WHRN: variants seen among roughly 807,000 people sequenced by gnomAD.
WHRN encodes CASK-interacting protein CIP98.
In WHRN, 41 loss-of-function variants were observed where a neutral mutation model predicts 68.3. That is an observed-to-expected ratio of 0.60 (90% CI 0.47 to 0.78). WHRN has a LOEUF of 0.78. Ranked by LOEUF, WHRN falls within the 30% of genes least tolerant of loss-of-function variation. The probability of loss-of-function intolerance (pLI) is 0.00; values close to 1 mark genes in which losing one functional copy is unlikely to be tolerated. For synonymous variants in WHRN, 560 were observed against 561.3 expected (o/e 1.00, Z 0.03); for missense variants, 1,243 against 1,244.7 (o/e 1.00, Z 0.02).
intron 1 of WHRN, 121 bp from the exon 2 acceptor site, chr9:114,478,892 C>G (rs557154024): frequency 1.1e-6 from 1 of 907,274 alleles, no homozygotes; most frequent in East Asian, 2.6e-5. Flanking sequence ...GAGGCCAGCC[C>G]TGAAGTCCCT....
intron 1 of WHRN, among the ~76,000 whole-genome samples, chr9:114,482,463 G>A (rs552615702): frequency 2.4e-4 from 37 of 152,270 alleles, no homozygotes; most frequent in African/African-American, 8.4e-4. Flanking sequence ...TCCTTGGGCC[G>A]GTTGCTTCCC....
intron 1 of WHRN, among the ~76,000 whole-genome samples, chr9:114,498,791 T>C (rs1026027292): frequency 6.6e-6 from 1 of 152,082 alleles, no homozygotes; most frequent in Non-Finnish European, 1.5e-5. Flanking sequence ...TGGTTCCTAA[T>C]CCCAATGGGG....
chr9:114,478,833 CT>C, intron 1 of WHRN, 62 bp from the exon 2 acceptor site: 1 of 1,513,494 alleles, frequency 6.6e-7, no homozygotes, highest in Non-Finnish European at 8.9e-7. Flanking sequence ...GAGGAACACC[CT>C]CCCCTGGCCC....
intron 4 of WHRN, chr9:114,425,382 C>G: frequency 1.7e-6 from 1 of 575,288 alleles, no homozygotes; most frequent in South Asian, 2.3e-5. Context: ...GCTTAGGGGC[C>G]GGTGAACTGG....
intron 3 of WHRN, among the ~76,000 whole-genome samples, chr9:114,445,517 A>T (rs1272702920): frequency 6.6e-6 from 1 of 152,182 alleles, no homozygotes; most frequent in Non-Finnish European, 1.5e-5. Context: ...TACAAAGACC[A>T]GACTGTCAAG....
chr9:114,421,286 G>GC (rs1564131030), intron 7 of WHRN, among the ~76,000 whole-genome samples: 2 of 152,184 alleles, frequency 1.3e-5, no homozygotes, highest in African/African-American at 4.8e-5. Flanking sequence ...GTAGGGGAGA[G>GC]CCCCCTGAGC....
At chr9:114,410,915 G>A (rs1323448106) in intron 7 of WHRN, among the ~76,000 whole-genome samples, 1 of 152,228 alleles carries the variant, frequency 6.6e-6, no homozygotes, top group Non-Finnish European at 1.5e-5. Flanking sequence ...TGCCAACTCT[G>A]AGGCTTCTTT....
intron 2 of WHRN, among the ~76,000 whole-genome samples, chr9:114,470,664 G>A (rs1285119476): frequency 6.6e-6 from 1 of 152,176 alleles, no homozygotes; most frequent in Non-Finnish European, 1.5e-5. Context: ...GGACACAGTA[G>A]GCAGCTCCTG....
chr9:114,496,687 A>C (rs1403703318), intron 1 of WHRN, among the ~76,000 whole-genome samples: 2 of 152,236 alleles, frequency 1.3e-5, no homozygotes, highest in Non-Finnish European at 2.9e-5. Flanking sequence ...AGCAACAATG[A>C]CATGTTTGTG....
chr9:114,503,024 C>G (rs1414297075), intron 1 of WHRN: 8 of 649,532 alleles, frequency 1.2e-5, no homozygotes, highest in Non-Finnish European at 1.5e-5. Flanking sequence ...TCAAGGGCTT[C>G]CTCCAAAGGG....
chr9:114,449,118 C>T (rs1449748803), intron 3 of WHRN, among the ~76,000 whole-genome samples: 1 of 152,136 alleles, frequency 6.6e-6, no homozygotes, highest in East Asian at 1.9e-4. Flanking sequence ...TAATCATTTC[C>T]CTTATGAAAG....
At chr9:114,459,411 T>C (rs1564179509) in intron 3 of WHRN, among the ~76,000 whole-genome samples, 1 of 152,092 alleles carries the variant, frequency 6.6e-6, no homozygotes, top group Non-Finnish European at 1.5e-5. Context: ...TGCAGTGAGC[T>C]GAGATCATGC....
intron 7 of WHRN, among the ~76,000 whole-genome samples, chr9:114,413,168 G>A (rs2132260900): frequency 6.6e-6 from 1 of 152,346 alleles, no homozygotes; most frequent in East Asian, 1.9e-4. Context: ...GATTTTGCCT[G>A]AAGGGGCTGC....
chr9:114,433,467 G>A (rs546658415), intron 3 of WHRN, among the ~76,000 whole-genome samples: 1 of 152,328 alleles, frequency 6.6e-6, no homozygotes, highest in African/African-American at 2.4e-5. Context: ...GGATCTTGCG[G>A]CTTCAAGGGA....
chr9:114,428,688 TC>T, intron 3 of WHRN, among the ~76,000 whole-genome samples: 1 of 152,240 alleles, frequency 6.6e-6, no homozygotes, highest in South Asian at 2.1e-4. Flanking sequence ...ATCCAGCGTG[TC>T]CAAAGCTACT....
chr9:114,405,163 C>T (rs1464334134), intron 9 of WHRN, among the ~76,000 whole-genome samples: 1 of 149,442 alleles, frequency 6.7e-6, no homozygotes, highest in Admixed American at 6.7e-5. Flanking sequence ...CAACCTCTGC[C>T]TCCTGGGTTC....
intron 2 of WHRN, among the ~76,000 whole-genome samples, chr9:114,469,726 G>A (rs183306848): frequency 2.0e-5 from 3 of 152,346 alleles, no homozygotes; most frequent in African/African-American, 4.8e-5. Flanking sequence ...CACTGCCGCC[G>A]CTGTAACAAA....
chr9:114,472,712 G>A (rs964390183), intron 2 of WHRN, among the ~76,000 whole-genome samples: 4 of 152,160 alleles, frequency 2.6e-5, no homozygotes, highest in Non-Finnish European at 4.4e-5. Flanking sequence ...CACACAGCAG[G>A]CCCATTATAG....
rs770481636 is a variant in WHRN at position 114,424,458 on chromosome 9, C to T, written c.1292G>A (p.Arg431Gln). 12 of 1,613,778 alleles carry T rather than the reference C, an allele frequency of 7.4e-6. No homozygotes were observed. The highest frequency in any genetic ancestry group is 4.0e-5 in the African/African-American group (3 of 74,934). Residue 431 changes from arginine to glutamine, a missense_variant, in exon 6 of 12, where the codon CGG (arginine) becomes CAG (glutamine). Transcript: ENST00000362057. ...QTRVLLEEQA[R>Q]HLLNEQEHAT... Reference sequence around the variant, plus strand: ...GTGTTCCTGCTCGTTCAGCAGGTGCCGAGCCTGCTCCTCCAGCAGCACTCG... The same window carrying T: ...GTGTTCCTGCTCGTTCAGCAGGTGCTGAGCCTGCTCCTCCAGCAGCACTCG...
Sources: gnomAD v4.1 joint callset for allele counts (sites outside exome capture counted in the v4.1 genomes callset) on GRCh38, gnomAD v4.1.1 for gene constraint, MANE v1.5 for transcripts, NCBI Gene and HGNC (gene_info 2026-07-23, HGNC 2026-07-21) for gene names.